Variants in ADGRA3 observed in about 807,000 individuals in gnomAD.
ADGRA3 encodes the protein G-protein coupled receptor 125.
Under a neutral mutation model 119.8 loss-of-function variants are expected in ADGRA3, and 56 were observed. The observed-to-expected ratio is 0.47, with a 90% confidence interval of 0.38 to 0.58. ADGRA3 has a LOEUF of 0.58. Ranked by LOEUF, ADGRA3 falls within the 20% of genes least tolerant of loss-of-function variation. ADGRA3 has a pLI of 0.00. For missense variants in ADGRA3, 1,516 were observed against 1,649.0 expected, an observed-to-expected ratio of 0.92 and a Z score of 1.40; for synonymous variants, 607 against 623.8, an observed-to-expected ratio of 0.97 and a Z score of 0.40.
At chr4:22,469,699 A>G (rs528334083) in intron 2 of ADGRA3, among the ~76,000 whole-genome samples, 1 of 152,194 alleles carries the variant, frequency 6.6e-6, no homozygotes, top group East Asian at 1.9e-4. Flanking sequence ...TCTGATGCAC[A>G]TGAAGTTTGA....
At chr4:22,507,327 T>C (rs996820266) in intron 1 of ADGRA3, among the ~76,000 whole-genome samples, 1 of 152,092 alleles carries the variant, frequency 6.6e-6, no homozygotes. Flanking sequence ...GTCGACACAA[T>C]AAATTAGCTC....
At position 22,402,224 on chromosome 4, in the gene ADGRA3, G is replaced by T. The variant is rs118108160; in HGVS notation, c.2357+451C>A. Among the ~76,000 whole-genome samples, 890 of 151,990 alleles carry T rather than the reference G, an allele frequency of 5.9e-3. 15 individuals are homozygous for T. The highest frequency in any genetic ancestry group is 0.045 in the East Asian group (234 of 5,174). On this transcript the variant is annotated intron_variant, in intron 15 of 18. Coordinates refer to ENST00000334304, the MANE Select transcript of ADGRA3 (RefSeq NM_145290.4). ...CCGATTAACAAACAACATATCCCAC[G>T]CTTAAATGCCACAAATTTTCTTAAA...
In ADGRA3 at chr4:22,413,223, T is replaced by C. The variant is rs1715286246; in HGVS notation, c.2191A>G (p.Thr731Ala). The stretch of plus-strand genomic sequence containing the variant: ...TTACTAAGGGAGTAGCACTGAATCG[T>C]AGTGATATTTTCATCTGAATAGAGT... Reference protein sequence around the residue: ...HILYSDENITTIQCYSLSNYA... With the variant: ...HILYSDENITAIQCYSLSNYA... The change falls in exon 14 of 19, where the codon ACG (threonine) becomes GCG (alanine). Residue 731 changes from threonine to alanine, a missense_variant. This residue lies in a region of ADGRA3 where 1,088 missense variants were observed against 1,107.1 expected (regional missense o/e 0.98). Transcript: ENST00000334304. 3 of 1,613,968 alleles carry C rather than the reference T, an allele frequency of 1.9e-6. No homozygotes were observed. The highest frequency in any genetic ancestry group is 2.5e-6 in the Non-Finnish European group (3 of 1,179,908).
At position 22,414,506 on chromosome 4, in the gene ADGRA3, T is replaced by C. The variant is rs530578388; in HGVS notation, c.1810-692A>G. On this transcript the variant is annotated intron_variant, in intron 12 of 18. Transcript: ENST00000334304. ...TATATATACCAAAGAAGTGAACAATTAACCATCTAAAAACATTCCATAGTT... is the reference window on the plus strand; with the variant it reads ...TATATATACCAAAGAAGTGAACAATCAACCATCTAAAAACATTCCATAGTT... The C allele has an allele frequency of 2.2e-4, 139 of 620,378 alleles. No homozygotes were observed. The South Asian group carries it at 2.5e-3, about 11-fold the overall frequency. 38.4% of individuals were successfully genotyped at this position (620,378 alleles called of 1,614,324 possible). A position where few individuals can be genotyped will look rare whatever the true frequency, so the allele number is the denominator to read the frequency against.
At chr4:22,490,817 A>G (rs1718595407) in intron 1 of ADGRA3, among the ~76,000 whole-genome samples, 1 of 152,234 alleles carries the variant, frequency 6.6e-6, no homozygotes, top group African/African-American at 2.4e-5. Context: ...TTTGTTTTCT[A>G]TTGCTGTGTA....
intron 1 of ADGRA3, among the ~76,000 whole-genome samples, chr4:22,495,871 T>G (rs1208311060): frequency 6.6e-6 from 1 of 151,020 alleles, no homozygotes; most frequent in African/African-American, 2.4e-5. Flanking sequence ...ATCACGCCAC[T>G]ACACTGCAGC....
intron 2 of ADGRA3, among the ~76,000 whole-genome samples, chr4:22,463,173 C>A (rs998396568): frequency 1.3e-5 from 2 of 152,192 alleles, no homozygotes; most frequent in African/African-American, 4.8e-5. Flanking sequence ...ACAGTGGCAA[C>A]CTTGCCCATT....
At chr4:22,493,856 A>G (rs1312151334) in intron 1 of ADGRA3, among the ~76,000 whole-genome samples, 2 of 152,160 alleles carry the variant, frequency 1.3e-5, no homozygotes, top group Non-Finnish European at 2.9e-5. Context: ...CTAATAAAAC[A>G]GGTTGCAGTA....
At position 22,499,932 on chromosome 4, in the gene ADGRA3, C is replaced by T. The variant is rs947883588; in HGVS notation, c.257+15596G>A. Among the ~76,000 whole-genome samples, 8 of 152,104 alleles carry T rather than the reference C, an allele frequency of 5.3e-5. No individual in the cohort carries two copies. In the South Asian group the frequency reaches 1.5e-3, roughly 28 times the overall value. On this transcript the variant is annotated intron_variant, in intron 1 of 18. Transcript: ENST00000334304. ...CTGGGACCAAAAGTGTTTCTGATTT[C>T]GCCTTTTTTCAGAATTTGGAATATT... is the stretch of plus-strand genomic sequence containing the variant.
At chr4:22,462,971 T>C (rs950222924) in intron 2 of ADGRA3, among the ~76,000 whole-genome samples, 4 of 152,168 alleles carry the variant, frequency 2.6e-5, no homozygotes, top group African/African-American at 7.2e-5. Flanking sequence ...TCCCCTTCCC[T>C]AGACCACACT....
chr4:22,436,893 A>T (rs1009189986), intron 8 of ADGRA3, among the ~76,000 whole-genome samples: 32 of 152,246 alleles, frequency 2.1e-4, no homozygotes, highest in Non-Finnish European at 4.3e-4. Flanking sequence ...TGACAGTATC[A>T]GTCACACCAA....
At position 22,402,782 on chromosome 4, in the gene ADGRA3, T is replaced by C. The variant is rs181841440; in HGVS notation, c.2250A>G (p.Glu750=). ...GGAGGCTGGCCGCCTGGGTGTATAG[T>C]TCAGATCCCGTCAAATCCTGAGGGC... ...YAVLMDLTGS[E]LYTQAASLLH... Residue 750 remains glutamate (E), a synonymous_variant, in exon 15 of 19, where the codon GAA becomes GAG. Transcript: ENST00000334304. 33 of 1,612,164 alleles carry C rather than the reference T, an allele frequency of 2.0e-5. No individual in the cohort carries two copies. The East Asian group carries it at 5.6e-4, about 27-fold the overall frequency.
rs1265064389 is a variant in ADGRA3, at chr4:22,387,610, C to T, written c.*95G>A. ...GTTTATTCCAAATTCTTTTGAATCC[C>T]TATGGTGGCTGTAAACAGTTTTTAA... On this transcript the variant is annotated 3_prime_UTR_variant, in exon 19 of 19. Coordinates refer to ENST00000334304, the MANE Select transcript of ADGRA3 (RefSeq NM_145290.4). 2.5e-6 allele frequency: 3 copies of T among 1,215,474 alleles called. No homozygotes were observed. Among genetic ancestry groups the T allele is most frequent in the Admixed American group, 4.9e-5 (2 of 40,748 alleles). The allele number at this position is 1,215,474 out of a possible 1,614,324, so 75.3% of individuals were successfully genotyped here.
At chr4:22,467,383 AAGATT>A (rs1156370369) in intron 2 of ADGRA3, among the ~76,000 whole-genome samples, 1 of 152,224 alleles carries the variant, frequency 6.6e-6, no homozygotes, top group Non-Finnish European at 1.5e-5. Context: ...TCAACAAGAT[AAGATT>A]ATTTTATGAA....
At chr4:22,395,477 A>T (rs1358728385) in intron 16 of ADGRA3, among the ~76,000 whole-genome samples, 1 of 152,236 alleles carries the variant, frequency 6.6e-6, no homozygotes, top group South Asian at 2.1e-4. Context: ...TTATCCTTTT[A>T]TCATCACCAT....
intron 5 of ADGRA3, among the ~76,000 whole-genome samples, chr4:22,445,891 C>T (rs1477625796): frequency 1.3e-5 from 2 of 152,186 alleles, no homozygotes; most frequent in African/African-American, 2.4e-5. Context: ...GATATAAGCA[C>T]AAAATCTCTT....
intron 1 of ADGRA3, among the ~76,000 whole-genome samples, chr4:22,480,452 T>C (rs1718226602): frequency 6.6e-6 from 1 of 152,104 alleles, no homozygotes; most frequent in African/African-American, 2.4e-5. Flanking sequence ...GGTGGGAGGA[T>C]TGCTTGAGCC....
rs1408415990 is a variant in ADGRA3 at position 22,436,424 on chromosome 4, A to T, written c.1287+16T>A. The stretch of plus-strand genomic sequence containing the variant: ...TTTCTCCACAACCCAAGTAAACATG[A>T]AGACTTTCTAGTTACCTGATTAAAC... On this transcript the variant is annotated intron_variant, in intron 9 of 18. Coordinates refer to ENST00000334304, the MANE Select transcript of ADGRA3 (RefSeq NM_145290.4). 2.5e-6 allele frequency: 4 copies of T among 1,601,194 alleles called. No homozygotes were observed. The highest frequency in any genetic ancestry group is 3.4e-6 in the Non-Finnish European group (4 of 1,170,326).
chr4:22,402,401 G>T (rs907672882), intron 15 of ADGRA3, among the ~76,000 whole-genome samples: 1 of 151,930 alleles, frequency 6.6e-6, no homozygotes, highest in South Asian at 2.1e-4. Flanking sequence ...CCTGTGACCC[G>T]CCCCACAGTG....
Sources: allele counts gnomAD v4.1 joint callset (sites outside exome capture counted in the v4.1 genomes callset), GRCh38; gene constraint gnomAD v4.1.1; regional missense constraint gnomAD v4.1.1; transcripts MANE v1.5; gene names NCBI Gene and HGNC (gene_info 2026-07-23, HGNC 2026-07-21).